The following NYX variants were observed in gnomAD, a reference collection of about 807,000 sequenced individuals.
The protein encoded by NYX is leucine-rich repeat protein.
For synonymous variants in NYX, 258 were observed against 245.7 expected (o/e 1.05, Z -0.47); for missense variants, 481 against 485.4 (o/e 0.99, Z 0.09).
intron 2 of NYX, among the ~76,000 whole-genome samples, chrX:41,467,151 C>T (rs2064343276): frequency 9.1e-6 from 1 of 109,842 alleles, no homozygotes; most frequent in African/African-American, 3.3e-5. Context: ...CCATAGATAG[C>T]AGTGGGAATG....
Position 41,473,972 on chromosome X carries a change from C to A in NYX, c.504C>A (p.Arg168=). Residue 168 remains arginine (R), a synonymous_variant, in exon 3 of 3, where the codon CGC becomes CGA. Coordinates refer to ENST00000378220, the MANE Select transcript of NYX (RefSeq NM_001378477.3). ...CCGCCTTCGACAACCTGTTCCGCCG[C>A]GTGCCGGGCGCGCTGCGCGGCCTGG... ...ELAAFDNLFR[R]VPGALRGLAN... The A allele has an allele frequency of 9.2e-7, 1 of 1,083,138 alleles. No individual in the cohort carries two copies. The highest frequency in any genetic ancestry group is 1.2e-6 in the Non-Finnish European group (1 of 838,294). The allele number at this position is 1,083,138 out of a possible 1,213,427, so 89.3% of individuals were successfully genotyped here.
rs754612225 is a variant in NYX at position 41,473,983 on chromosome X, C to T, written c.515C>T (p.Ala172Val). ...FDNLFRRVPGALRGLANLTHA... is the reference protein window; with the variant it reads ...FDNLFRRVPGVLRGLANLTHA... ...AACCTGTTCCGCCGCGTGCCGGGCG[C>T]GCTGCGCGGCCTGGCCAACCTGACG... Residue 172 changes from alanine to valine, a missense_variant, in exon 3 of 3, where the codon GCG becomes GTG. Transcript: ENST00000378220. 1.8e-5 allele frequency: 19 copies of T among 1,072,984 alleles called. No homozygotes were observed. The East Asian group carries it at 6.5e-4, about 37-fold the overall frequency. The allele number at this position is 1,072,984 out of a possible 1,213,427, so 88.4% of individuals were successfully genotyped here. A position where few individuals can be genotyped will look rare whatever the true frequency, so the allele number is the denominator to read the frequency against.
intron 2 of NYX, among the ~76,000 whole-genome samples, chrX:41,460,279 T>C (rs1312104264): frequency 3.6e-5 from 4 of 109,597 alleles, no homozygotes; most frequent in Admixed American, 9.8e-5. Context: ...GCGATTCTCC[T>C]GCCTCAGCCT....
intron 2 of NYX, chrX:41,472,460 C>G (rs1035043354): frequency 2.1e-6 from 2 of 942,462 alleles, no homozygotes; most frequent in Non-Finnish European, 3.0e-6. Context: ...GCGGAGGTAA[C>G]GATCCCGAAG....
chrX:41,452,448 T>C (rs1245376158), intron 2 of NYX, among the ~76,000 whole-genome samples: 2 of 111,892 alleles, frequency 1.8e-5, no homozygotes, highest in Non-Finnish European at 3.8e-5. Context: ...TGCTTCACTG[T>C]CCACAGTCAG....
intron 2 of NYX, among the ~76,000 whole-genome samples, chrX:41,461,715 T>G (rs2064320745): frequency 9.0e-6 from 1 of 111,702 alleles, no homozygotes. Flanking sequence ...ATTTTTTGAT[T>G]ATGGCCATTC....
intron 2 of NYX, among the ~76,000 whole-genome samples, chrX:41,450,829 T>TA (rs1491392464): frequency 0.091 from 880 of 9,631 alleles, 10 homozygotes; most frequent in East Asian, 1. Context: ...TATATATATA[T>TA]TTTTTTTTTT....
At chrX:41,473,275 C>T (rs1266154339) in intron 2 of NYX, among the ~76,000 whole-genome samples, 1 of 110,533 alleles carries the variant, frequency 9.0e-6, no homozygotes, top group African/African-American at 3.3e-5. Context: ...TTAAGGTAAC[C>T]GGAAAGCAAA....
rs144153937 is a variant in NYX, at chrX:41,467,706, G to T, written c.23-5785G>T. On this transcript the variant is annotated intron_variant, in intron 2 of 2. Coordinates refer to ENST00000378220, the MANE Select transcript of NYX (RefSeq NM_001378477.3). ...AAGGTCTTGCTCTGTTGTCCAGGCT[G>T]GAGTTCAGTGGTCCAATCATAGCTC... Among the ~76,000 whole-genome samples, 236 of 111,118 alleles carry T rather than the reference G, an allele frequency of 2.1e-3. 1 individual carries two copies. Among genetic ancestry groups the T allele is most frequent in the African/African-American group, 7.3e-3 (223 of 30,626 alleles).
At chrX:41,470,852 C>T (rs1016954975) in intron 2 of NYX, among the ~76,000 whole-genome samples, 9 of 110,560 alleles carry the variant, frequency 8.1e-5, no homozygotes, top group African/African-American at 3.0e-4. Flanking sequence ...TATTGGGCAG[C>T]GCAGATCTAG....
intron 2 of NYX, among the ~76,000 whole-genome samples, chrX:41,455,652 G>GA (rs1178634565): frequency 2.7e-5 from 3 of 110,213 alleles, no homozygotes; most frequent in Non-Finnish European, 5.7e-5. Context: ...CTCAGACTGG[G>GA]AAAAAAAAGC....
intron 2 of NYX, 128 bp downstream of exon 2, chrX:41,448,054 G>A: frequency 3.1e-6 from 2 of 654,686 alleles, no homozygotes; most frequent in Non-Finnish European, 2.4e-6. Flanking sequence ...AGGTTTCACT[G>A]ACCCTGTGAT....
chrX:41,473,836 C>T lies in NYX; in HGVS notation c.368C>T (p.Ala123Val), dbSNP rs778437203. The T allele has an allele frequency of 2.7e-5, 30 of 1,102,257 alleles. 1 individual carries two copies. The South Asian group carries it at 6.3e-4, about 23-fold the overall frequency. The allele number at this position is 1,102,257 out of a possible 1,213,427, so 90.8% of individuals were successfully genotyped here. Residue 123 changes from alanine (A) to valine (V), a missense_variant, in exon 3 of 3, where the codon GCG (alanine) becomes GTG (valine). Ala to Val is a moderately conservative substitution (Grantham distance 64). Coordinates refer to ENST00000378220, the MANE Select transcript of NYX (RefSeq NM_001378477.3). ...AACGGCGACCTGCGCTACCTGCACG[C>T]GCGCACCTTCGCGGCGCTCAGCCGC... ...AHNGDLRYLH[A>V]RTFAALSRLR...
At chrX:41,453,848 A>G (rs747348149) in intron 2 of NYX, among the ~76,000 whole-genome samples, 2 of 112,280 alleles carry the variant, frequency 1.8e-5, no homozygotes, top group African/African-American at 6.4e-5. Context: ...TGTTGTTTCT[A>G]CCTTGGGCTG....
rs180796133 is a variant in NYX, at chrX:41,451,072, G to C, written c.22+3146G>C. Among the ~76,000 whole-genome samples, 5 of 108,501 alleles carry C rather than the reference G, an allele frequency of 4.6e-5. No homozygotes were observed. The Admixed American group carries it at 5.0e-4, about 11-fold the overall frequency. 94.2% of individuals were successfully genotyped at this position (108,501 alleles called of 115,157 possible). On this transcript the variant is annotated intron_variant, in intron 2 of 2. Coordinates refer to ENST00000378220, the MANE Select transcript of NYX (RefSeq NM_001378477.3). ...TCCTGGCCTCAAGTGACAGGCTCAA[G>C]TGAGGCTGCCTCAGCCTCCCAAAGT...
At chrX:41,455,861 T>C (rs1214425290) in intron 2 of NYX, among the ~76,000 whole-genome samples, 2 of 112,210 alleles carry the variant, frequency 1.8e-5, no homozygotes, top group African/African-American at 3.2e-5. Context: ...GATTCGTTTT[T>C]GGAATGATCA....
chrX:41,469,043 G>A (rs1426351005), intron 2 of NYX, among the ~76,000 whole-genome samples: 1 of 111,331 alleles, frequency 9.0e-6, no homozygotes, highest in Non-Finnish European at 1.9e-5. Flanking sequence ...ATGTTGAAGT[G>A]GCTCCAGTTT....
At chrX:41,449,760 A>G (rs1178414658) in intron 2 of NYX, among the ~76,000 whole-genome samples, 1 of 111,493 alleles carries the variant, frequency 9.0e-6, no homozygotes, top group East Asian at 2.8e-4. Context: ...ATATATCCAG[A>G]CTTCTTGTGA....
At chrX:41,447,673 G>T in intron 1 of NYX, 157 bp downstream of exon 1, 1 of 452,066 alleles carries the variant, frequency 2.2e-6, no homozygotes. Context: ...CCATTTGTGG[G>T]GAGCTTCTGA....
Sources: allele counts gnomAD v4.1 joint callset (sites outside exome capture counted in the v4.1 genomes callset), GRCh38; gene constraint gnomAD v4.1.1; transcripts MANE v1.5; gene names NCBI Gene and HGNC (gene_info 2026-07-23, HGNC 2026-07-21).